The following FHIP2A variants were observed in gnomAD, a reference collection of about 807,000 sequenced individuals.
The protein encoded by FHIP2A is family with sequence similarity 160 member B1.
Under a neutral mutation model 93.5 loss-of-function variants are expected in FHIP2A, and 46 were observed. The ratio of observed to expected loss-of-function variants is 0.49; its 90% CI spans 0.39 to 0.63. The LOEUF (loss-of-function observed/expected upper bound fraction) is 0.63. Among genes scored for constraint, FHIP2A ranks in the 20% least tolerant of loss-of-function variants. The pLI is 0.00. For missense variants in FHIP2A, 769 were observed against 909.7 expected, an observed-to-expected ratio of 0.85 and a Z score of 1.99; for synonymous variants, 332 against 326.5, an observed-to-expected ratio of 1.02 and a Z score of -0.18.
intron 2 of FHIP2A, among the ~76,000 whole-genome samples, chr10:114,832,920 AAC>A (rs1397890588): frequency 6.6e-6 from 1 of 151,972 alleles, no homozygotes; most frequent in Non-Finnish European, 1.5e-5. Context: ...CACTGTGTTG[AAC>A]AGGCTGGTCT....
intron 13 of FHIP2A, among the ~76,000 whole-genome samples, chr10:114,851,979 CA>C (rs775390105): frequency 3.3e-5 from 5 of 152,104 alleles, no homozygotes; most frequent in Non-Finnish European, 5.9e-5. Context: ...TTGTGAACTT[CA>C]TTTTCTGATT....
At chr10:114,889,248 G>T (rs139257159) in intron 16 of FHIP2A, among the ~76,000 whole-genome samples, 5 of 152,218 alleles carry the variant, frequency 3.3e-5, no homozygotes, top group Admixed American at 2.0e-4. Context: ...GCAAAGAAAA[G>T]GTTGAGAGGA....
intron 2 of FHIP2A, among the ~76,000 whole-genome samples, chr10:114,831,456 C>T (rs754159835): frequency 2.0e-5 from 3 of 152,160 alleles, no homozygotes; most frequent in Non-Finnish European, 4.4e-5. Flanking sequence ...CAGGCCAGAG[C>T]ATGTGGCACG....
chr10:114,890,091 G>A (rs1343919253), intron 16 of FHIP2A, among the ~76,000 whole-genome samples: 1 of 152,022 alleles, frequency 6.6e-6, no homozygotes, highest in African/African-American at 2.4e-5. Flanking sequence ...GCAGTGGCAT[G>A]ATCTCAACTC....
intron 13 of FHIP2A, among the ~76,000 whole-genome samples, chr10:114,854,529 A>G (rs2083755787): frequency 6.6e-6 from 1 of 152,196 alleles, no homozygotes; most frequent in Non-Finnish European, 1.5e-5. Flanking sequence ...AAAAATGAAG[A>G]GAAAAAAAGA....
In FHIP2A at chr10:114,863,561, G is replaced by T. The variant is rs188479166; in HGVS notation, c.*2021G>T. On this transcript the variant is annotated 3_prime_UTR_variant, in exon 17 of 17. Coordinates refer to ENST00000369248, the MANE Select transcript of FHIP2A (RefSeq NM_020940.4). ...TATAATTTTTCTAAGTTGTTGTAAT[G>T]ACTTTAATTTGTAATCAGCTAAGGC... is the stretch of plus-strand genomic sequence containing the variant. 8 of 1,204,726 alleles carry T rather than the reference G, an allele frequency of 6.6e-6. No homozygotes were observed. The highest frequency in any genetic ancestry group is 8.4e-6 in the Non-Finnish European group (8 of 951,860). The allele number at this position is 1,204,726 out of a possible 1,614,324, so 74.6% of individuals were successfully genotyped here. A position where few individuals can be genotyped will look rare whatever the true frequency, so the allele number is the denominator to read the frequency against.
At chr10:114,884,755 A>G (rs2083933517) in intron 16 of FHIP2A, among the ~76,000 whole-genome samples, 1 of 151,884 alleles carries the variant, frequency 6.6e-6, no homozygotes, top group Non-Finnish European at 1.5e-5. Flanking sequence ...TCTACTAAAA[A>G]TACAAAAAAT....
intron 6 of FHIP2A, 29 bp downstream of exon 6, chr10:114,843,255 C>G: frequency 7.0e-7 from 1 of 1,432,948 alleles, no homozygotes; most frequent in East Asian, 2.3e-5. Context: ...TTTTTCCCCC[C>G]TAACATTATT....
chr10:114,830,104 A>G (rs964232073), intron 1 of FHIP2A, among the ~76,000 whole-genome samples: 4 of 152,098 alleles, frequency 2.6e-5, no homozygotes, highest in Non-Finnish European at 5.9e-5. Context: ...TGACTTTGGT[A>G]TATGTTTTAG....
chr10:114,860,335 G>A (rs2083790164), intron 14 of FHIP2A, among the ~76,000 whole-genome samples: 1 of 152,100 alleles, frequency 6.6e-6, no homozygotes, highest in East Asian at 1.9e-4. Flanking sequence ...CAGCAGGGAG[G>A]AAGATGGTGG....
Position 114,846,218 on chromosome 10 carries a change from A to C in FHIP2A, c.1249A>C (p.Ile417Leu). 6.2e-7 allele frequency: 1 copy of C among 1,614,150 alleles called. No homozygotes were observed. The highest frequency in any genetic ancestry group is 1.1e-5 in the South Asian group (1 of 91,084). ...ILTSTALLHR[I>L]VRQVTSDVLL... ...CACATCCACTGCTCTGCTTCATCGC[A>C]TCGTTCGGCAAGTGACCTCTGATGT... The change falls in exon 10 of 17, where the codon ATC becomes CTC. Residue 417 changes from isoleucine (I) to leucine (L), a missense_variant. By Grantham distance (5) the Ile-to-Leu change is conservative. Coordinates refer to ENST00000369248, the MANE Select transcript of FHIP2A (RefSeq NM_020940.4).
chr10:114,879,830 T>C (rs552804219), intron 16 of FHIP2A, among the ~76,000 whole-genome samples: 67 of 152,274 alleles, frequency 4.4e-4, no homozygotes, highest in African/African-American at 1.5e-3. Flanking sequence ...CAATATTCTT[T>C]TTTACTTTTT....
intron 12 of FHIP2A, 29 bp downstream of exon 12, chr10:114,847,262 ATCTC>A (rs756126158): frequency 1.3e-5 from 21 of 1,580,766 alleles, no homozygotes; most frequent in Non-Finnish European, 1.8e-5. Context: ...TTTGACTTCC[ATCTC>A]TCTTGTTTTT....
chr10:114,898,409 A>G (rs1477396267), intron 16 of FHIP2A, among the ~76,000 whole-genome samples: 1 of 151,998 alleles, frequency 6.6e-6, no homozygotes, highest in African/African-American at 2.4e-5. Flanking sequence ...CTGGTGAGAG[A>G]CTCATGGTTC....
At position 114,862,589 on chromosome 10, in the gene FHIP2A, T is replaced by G. The variant is rs1441509423; in HGVS notation, c.*1049T>G. ...GAGTTTTAAATGTCCTATTTACATGTTAAAGGATTTGGGGAAATTGGGTAT... is the reference window on the plus strand; with the variant it reads ...GAGTTTTAAATGTCCTATTTACATGGTAAAGGATTTGGGGAAATTGGGTAT... On this transcript the variant is annotated 3_prime_UTR_variant, in exon 17 of 17. Transcript: ENST00000369248. 1.0e-6 allele frequency: 1 copy of G among 986,866 alleles called. No individual in the cohort carries two copies. The highest frequency in any genetic ancestry group is 1.2e-6 in the Non-Finnish European group (1 of 830,004). 61.1% of individuals were successfully genotyped at this position (986,866 alleles called of 1,614,324 possible).
intron 16 of FHIP2A, among the ~76,000 whole-genome samples, chr10:114,887,923 A>G (rs941725060): frequency 6.6e-6 from 1 of 152,200 alleles, no homozygotes; most frequent in Non-Finnish European, 1.5e-5. Flanking sequence ...AGGCTCCCAG[A>G]GAATGGCCTG....
intron 1 of FHIP2A, among the ~76,000 whole-genome samples, chr10:114,826,043 C>G (rs1220343282): frequency 6.6e-6 from 1 of 152,194 alleles, no homozygotes; most frequent in Non-Finnish European, 1.5e-5. Flanking sequence ...CTCCTGTGCC[C>G]TGGAAATTCA....
chr10:114,848,617 C>T, intron 12 of FHIP2A, 30 bp from the exon 13 acceptor site: 1 of 1,287,244 alleles, frequency 7.8e-7, no homozygotes, highest in Non-Finnish European at 1.1e-6. Context: ...AAATGGACAT[C>T]TTGCATAATT....
chr10:114,858,496 G>A (rs893333028), intron 14 of FHIP2A, among the ~76,000 whole-genome samples: 1 of 151,676 alleles, frequency 6.6e-6, no homozygotes, highest in African/African-American at 2.4e-5. Context: ...TGCAGATGGC[G>A]AAATTTAGTG....
Sources: gnomAD v4.1 joint callset for allele counts (sites outside exome capture counted in the v4.1 genomes callset) on GRCh38, gnomAD v4.1.1 for gene constraint, MANE v1.5 for transcripts, NCBI Gene and HGNC (gene_info 2026-07-23, HGNC 2026-07-21) for gene names.